The following CA6 variants were observed in gnomAD, a reference collection of about 807,000 sequenced individuals.
CA6 encodes the protein carbonic anhydrase 6.
In CA6, 28 loss-of-function variants were observed where a neutral mutation model predicts 35.9. That is an observed-to-expected ratio of 0.78 (90% CI 0.58 to 1.07). The LOEUF (loss-of-function observed/expected upper bound fraction) is 1.07, where lower values mean the gene tolerates loss of function less well. Among genes scored for constraint, CA6 ranks in the 50% least tolerant of loss-of-function variants. CA6 has a pLI of 0.00. For missense variants in CA6, 377 were observed against 382.0 expected, an observed-to-expected ratio of 0.99 and a Z score of 0.11; for synonymous variants, 148 against 152.6, an observed-to-expected ratio of 0.97 and a Z score of 0.22.
intron 5 of CA6, among the ~76,000 whole-genome samples, chr1:8,964,780 C>G (rs1377755871): frequency 1.3e-5 from 2 of 152,146 alleles, no homozygotes; most frequent in Non-Finnish European, 2.9e-5. Context: ...GAGTGACGGT[C>G]AGATCTATGG....
chr1:8,968,827 C>T (rs1640035685), intron 6 of CA6, among the ~76,000 whole-genome samples: 1 of 151,188 alleles, frequency 6.6e-6, no homozygotes, highest in Admixed American at 6.6e-5. Flanking sequence ...ATCAGCCTGG[C>T]CAACATGGTG....
At chr1:8,947,595 A>G (rs1639402227) in intron 1 of CA6, among the ~76,000 whole-genome samples, 1 of 152,098 alleles carries the variant, frequency 6.6e-6, no homozygotes. Context: ...GAAGGAAGAG[A>G]GAATTCAGAC....
intron 4 of CA6, among the ~76,000 whole-genome samples, chr1:8,960,079 A>G (rs904402880): frequency 1.7e-4 from 26 of 151,996 alleles, no homozygotes; most frequent in African/African-American, 6.3e-4. Context: ...TAAAAATACA[A>G]AAGTAGCCAG....
At chr1:8,958,527 T>G (rs1228720220) in intron 3 of CA6, among the ~76,000 whole-genome samples, 1 of 152,198 alleles carries the variant, frequency 6.6e-6, no homozygotes, top group Non-Finnish European at 1.5e-5. Flanking sequence ...TGACTACATG[T>G]TAACAATGGT....
intron 2 of CA6, among the ~76,000 whole-genome samples, chr1:8,951,232 AAG>A (rs200065733): frequency 0.094 from 12,501 of 133,180 alleles, 594 homozygotes; most frequent in East Asian, 0.14. Context: ...AAAAAAAAAA[AAG>A]AAAGAAAGAA....
At position 8,963,376 on chromosome 1, in the gene CA6, C is replaced by G. The variant is rs977335839; in HGVS notation, c.571+720C>G. 3.9e-5 allele frequency among the ~76,000 whole-genome samples: 6 copies of G among 152,144 alleles called. No individual in the cohort carries two copies. Among genetic ancestry groups the G allele is most frequent in the Non-Finnish European group, 7.3e-5 (5 of 68,030 alleles). On this transcript the variant is annotated intron_variant, in intron 5 of 7. Coordinates refer to ENST00000377443, the MANE Select transcript of CA6 (RefSeq NM_001215.4). The surrounding 1 kb of genome is among the most constrained non-coding windows in gnomAD (Gnocchi z 4.1). ...ATACTCTCAAGTCTCCCTCAACACT[C>G]CCATGCAAACACCCTCTAGCCCTCA...
At chr1:8,966,980 A>T (rs1306544885) in intron 5 of CA6, among the ~76,000 whole-genome samples, 1 of 94,942 alleles carries the variant, frequency 1.1e-5, no homozygotes, top group African/African-American at 6.6e-5. Flanking sequence ...TTATTTAAAA[A>T]AATAATAAAA....
intron 5 of CA6, among the ~76,000 whole-genome samples, chr1:8,966,881 C>T (rs1429260397): frequency 6.6e-6 from 1 of 152,088 alleles, no homozygotes; most frequent in African/African-American, 2.4e-5. Context: ...CCACCTGTGG[C>T]TGGGCTTGGT....
intron 2 of CA6, among the ~76,000 whole-genome samples, chr1:8,951,042 C>T (rs1205893236): frequency 2.0e-5 from 3 of 151,254 alleles, no homozygotes; most frequent in African/African-American, 4.9e-5. Context: ...ATGGTGAAAC[C>T]TTGTCTCTAC....
chr1:8,957,542 T>G (rs994539729), intron 3 of CA6, among the ~76,000 whole-genome samples: 1 of 152,094 alleles, frequency 6.6e-6, no homozygotes, highest in Non-Finnish European at 1.5e-5. Context: ...GATTTCACCA[T>G]TTTGGCCAGG....
At chr1:8,957,007 A>G (rs1001976354) in intron 2 of CA6, 130 bp from the exon 3 acceptor site, 5 of 750,000 alleles carry the variant, frequency 6.7e-6, no homozygotes, top group African/African-American at 1.8e-5. Flanking sequence ...ATGGCATTCT[A>G]AGCCAGTCTA....
intron 4 of CA6, among the ~76,000 whole-genome samples, chr1:8,960,789 C>CACACACACACACATAT (rs59987426): frequency 3.9e-4 from 46 of 116,962 alleles, no homozygotes; most frequent in African/African-American, 1.5e-3. Context: ...CACACACACA[C>CACACACACACACATAT]ATATATATAA....
chr1:8,950,697 A>C (rs1639507965), intron 2 of CA6, among the ~76,000 whole-genome samples: 2 of 151,848 alleles, frequency 1.3e-5, no homozygotes, highest in Non-Finnish European at 2.9e-5. Context: ...GTGAGACTTC[A>C]TCTCTACAAA....
chr1:8,953,828 A>G (rs1029220723), intron 2 of CA6, among the ~76,000 whole-genome samples: 2 of 152,218 alleles, frequency 1.3e-5, no homozygotes, highest in African/African-American at 4.8e-5. Flanking sequence ...AGGTTAAGGC[A>G]TTCTCAGTCA....
At chr1:8,951,221 A>G (rs1057061327) in intron 2 of CA6, among the ~76,000 whole-genome samples, 1 of 84,274 alleles carries the variant, frequency 1.2e-5, no homozygotes, top group Admixed American at 1.0e-4. Context: ...CATCTCAAAG[A>G]AAAAAAAAAA....
chr1:8,954,538 G>A (rs1639625183), intron 2 of CA6, among the ~76,000 whole-genome samples: 1 of 152,108 alleles, frequency 6.6e-6, no homozygotes, highest in South Asian at 2.1e-4. Flanking sequence ...TCTTGTGTGA[G>A]ATCCAAGAAC....
chr1:8,966,343 C>A (rs1191702510), intron 5 of CA6, among the ~76,000 whole-genome samples: 3 of 152,094 alleles, frequency 2.0e-5, no homozygotes, highest in African/African-American at 7.2e-5. Context: ...CTCCTGACCT[C>A]AGGTGATCCA....
chr1:8,955,745 C>G (rs956315254), intron 2 of CA6, among the ~76,000 whole-genome samples: 1 of 152,154 alleles, frequency 6.6e-6, no homozygotes, highest in Non-Finnish European at 1.5e-5. Flanking sequence ...GCCAAACAGC[C>G]GGTGAAAACC....
At chr1:8,971,459 C>T (rs978292976) in intron 7 of CA6, among the ~76,000 whole-genome samples, 6 of 151,840 alleles carry the variant, frequency 4.0e-5, no homozygotes, top group African/African-American at 1.5e-4. Context: ...CTACAGGCAC[C>T]TACCACCACG....
Sources: allele counts gnomAD v4.1 joint callset (sites outside exome capture counted in the v4.1 genomes callset), GRCh38; gene constraint gnomAD v4.1.1; non-coding constraint Gnocchi (gnomAD v3.1); transcripts MANE v1.5; gene names NCBI Gene and HGNC (gene_info 2026-07-23, HGNC 2026-07-21).